The following STK32C variants were observed in gnomAD, a reference collection of about 807,000 sequenced individuals.
The protein encoded by STK32C is serine/threonine kinase 32C.
Under a neutral mutation model 56.5 loss-of-function variants are expected in STK32C, and 31 were observed. The observed-to-expected ratio is 0.55, with a 90% CI of 0.41 to 0.74. STK32C has a LOEUF of 0.74. Ranked by LOEUF, STK32C falls within the 30% of genes least tolerant of loss-of-function variation. STK32C has a pLI of 0.00. For missense variants in STK32C, 544 were observed against 676.9 expected, an observed-to-expected ratio of 0.80 and a Z score of 2.18; for synonymous variants, 309 against 289.4, an observed-to-expected ratio of 1.07 and a Z score of -0.69.
rs758628172 is a variant in STK32C at position 132,324,299 on chromosome 10, G to A, written c.376C>T (p.Gln126Ter). Residue 126 changes from glutamine to a stop codon, truncating the protein, a stop_gained, in exon 2 of 2, where the codon CAG (glutamine) becomes TAG (stop). Transcript: ENST00000368619. LOFTEE classifies it low-confidence loss of function (END_TRUNC). ...GCTTTTTCATGGCAGCCTGAAGGCTGCAGCTTCTTGTCTTTCCACACCATT... is the reference window on the plus strand; with the variant it reads ...GCTTTTTCATGGCAGCCTGAAGGCTACAGCTTCTTGTCTTTCCACACCATT... 2.6e-6 allele frequency: 2 copies of A among 779,652 alleles called. No homozygotes were observed. The highest frequency in any genetic ancestry group is 1.7e-5 in the African/African-American group (1 of 59,146). The allele number at this position is 779,652 out of a possible 1,614,324, so 48.3% of individuals were successfully genotyped here.
chr10:132,330,209 G>T (rs2066620968), intron 1 of STK32C: 1 of 524,882 alleles, frequency 1.9e-6, no homozygotes, highest in Admixed American at 3.1e-5. Context: ...ATTAACTACT[G>T]ACTACAAAAA....
intron 1 of STK32C, among the ~76,000 whole-genome samples, chr10:132,266,951 C>G (rs1047932625): frequency 6.6e-6 from 1 of 152,158 alleles, no homozygotes; most frequent in Non-Finnish European, 1.5e-5. Context: ...GACGAGGCCG[C>G]AGAGGAACTG....
intron 1 of STK32C, among the ~76,000 whole-genome samples, chr10:132,282,316 G>A (rs749446641): frequency 2.0e-5 from 3 of 152,222 alleles, no homozygotes; most frequent in African/African-American, 4.8e-5. Context: ...GTCCAGAGTC[G>A]CTGCTGGAAC....
At chr10:132,224,815 T>TGG (rs527700226) in intron 7 of STK32C, among the ~76,000 whole-genome samples, 14 of 151,924 alleles carry the variant, frequency 9.2e-5, no homozygotes, top group Non-Finnish European at 4.4e-5. Context: ...TCCTCAGAGG[T>TGG]GGGGTCCTGT....
At chr10:132,219,189 C>T (rs1470805965) in intron 10 of STK32C, among the ~76,000 whole-genome samples, 1 of 152,202 alleles carries the variant, frequency 6.6e-6, no homozygotes, top group Non-Finnish European at 1.5e-5. Context: ...TACATGGATG[C>T]ACTGTATATT....
upstream of STK32C, among the ~76,000 whole-genome samples, chr10:132,311,082 G>A (rs116621398): frequency 0.094 from 14,240 of 152,104 alleles, 926 homozygotes; most frequent in African/African-American, 0.18. The surrounding 1 kb of genome is among the most constrained non-coding windows in gnomAD (Gnocchi z 4.4). Context: ...TTCATAATTC[G>A]TCCATAAAGC....
At chr10:132,218,447 C>A (rs1260408867) in intron 10 of STK32C, among the ~76,000 whole-genome samples, 2 of 152,060 alleles carry the variant, frequency 1.3e-5, no homozygotes, top group African/African-American at 2.4e-5. Context: ...GATAAAACAC[C>A]TCAAAAGATG....
chr10:132,245,252 G>T (rs1470302562), intron 2 of STK32C, among the ~76,000 whole-genome samples: 1 of 152,212 alleles, frequency 6.6e-6, no homozygotes, highest in African/African-American at 2.4e-5. Context: ...CAGCTGAAAA[G>T]AACTGTCCAT....
At chr10:132,217,805 C>T (rs555683989) in intron 10 of STK32C, among the ~76,000 whole-genome samples, 154 of 152,266 alleles carry the variant, frequency 1.0e-3, no homozygotes, top group Middle Eastern at 3.4e-3. Context: ...CTCCTCCTTG[C>T]CTTCCACGAC....
In STK32C at chr10:132,278,605, G is replaced by GA. The variant is rs1332672869; in HGVS notation, c.262+28966dup. Reference sequence around the variant, plus strand: ...TGAAACCCCATCTCTACTAAAAATAGAAAAAATTAGCCGGGCGTGGTGGCA... The same window carrying GA: ...TGAAACCCCATCTCTACTAAAAATAGAAAAAAATTAGCCGGGCGTGGTGGCA... On this transcript the variant is annotated intron_variant, in intron 1 of 11. Transcript: ENST00000298630. Among the ~76,000 whole-genome samples, 12 of 151,528 alleles carry GA rather than the reference G, an allele frequency of 7.9e-5. No homozygotes were observed. The South Asian group carries it at 2.5e-3, about 32-fold the overall frequency.
intron 10 of STK32C, among the ~76,000 whole-genome samples, chr10:132,213,749 G>C (rs2062386047): frequency 6.6e-6 from 1 of 152,194 alleles, no homozygotes; most frequent in Non-Finnish European, 1.5e-5. Context: ...ATATGGCAAG[G>C]GCTCCAGGGG....
intron 1 of STK32C, among the ~76,000 whole-genome samples, chr10:132,294,953 C>T (rs567375065): frequency 1.3e-5 from 2 of 152,276 alleles, no homozygotes; most frequent in African/African-American, 4.8e-5. Flanking sequence ...CACAAGGGAA[C>T]ACTGAGGCCC....
At chr10:132,236,141 G>A (rs569074954) in intron 2 of STK32C, among the ~76,000 whole-genome samples, 12 of 151,310 alleles carry the variant, frequency 7.9e-5, no homozygotes, top group South Asian at 4.1e-4. Flanking sequence ...CAATGCTTCC[G>A]TGGCCCCAAA....
At chr10:132,303,093 CA>C (rs2065956608) in intron 1 of STK32C, among the ~76,000 whole-genome samples, 2 of 152,252 alleles carry the variant, frequency 1.3e-5, no homozygotes, top group South Asian at 4.1e-4. Context: ...GAAACGGTCC[CA>C]CTCCAGTCCC....
intron 1 of STK32C, among the ~76,000 whole-genome samples, chr10:132,296,938 G>C (rs888663064): frequency 6.6e-6 from 1 of 152,248 alleles, no homozygotes; most frequent in Admixed American, 6.5e-5. Flanking sequence ...GACCACGGCA[G>C]GGGGTGCAGG....
chr10:132,330,861 C>G (rs1326415828), intron 1 of STK32C, among the ~76,000 whole-genome samples: 2 of 151,698 alleles, frequency 1.3e-5, no homozygotes, highest in African/African-American at 4.8e-5. Context: ...CGTAAATCCC[C>G]TCAAAGTGGA....
chr10:132,235,985 T>TG lies in STK32C; in HGVS notation c.319-7858dup, dbSNP rs532292947. Among the ~76,000 whole-genome samples the TG allele has an allele frequency of 8.8e-4, 134 of 152,070 alleles. 3 individuals are homozygous for TG. Among genetic ancestry groups the TG allele is most frequent in the African/African-American group, 2.9e-3 (122 of 41,466 alleles). On this transcript the variant is annotated intron_variant, in intron 2 of 11. Transcript: ENST00000298630. ...CGGATACCGAGGGCACAGCGGGAGG[T>TG]GGCGAAGGTTGTGGCTGTAACAGGA...
chr10:132,264,011 G>A (rs538778769), intron 1 of STK32C, among the ~76,000 whole-genome samples: 3 of 152,268 alleles, frequency 2.0e-5, no homozygotes, highest in Admixed American at 6.5e-5. Context: ...ATGTGACTCC[G>A]TCCCTGTGAA....
chr10:132,286,395 A>C (rs1023306741), intron 1 of STK32C, among the ~76,000 whole-genome samples: 3 of 152,238 alleles, frequency 2.0e-5, no homozygotes, highest in Admixed American at 6.5e-5. Flanking sequence ...ACTTTTCCAG[A>C]AAATTGAGAA....
Sources: allele counts gnomAD v4.1 joint callset (sites outside exome capture counted in the v4.1 genomes callset), GRCh38; gene constraint gnomAD v4.1.1; non-coding constraint Gnocchi (gnomAD v3.1); transcripts MANE v1.5; gene names NCBI Gene and HGNC (gene_info 2026-07-23, HGNC 2026-07-21).